Variants in JCAD observed in about 807,000 individuals in gnomAD.
JCAD encodes junctional cadherin 5-associated protein.
A neutral mutation model predicts 98.0 loss-of-function variants in JCAD; 40 were observed. That is an observed-to-expected ratio of 0.41 (90% CI 0.32 to 0.53). JCAD has a LOEUF of 0.53. Among genes scored for constraint, JCAD ranks in the 20% least tolerant of loss-of-function variants. The probability of loss-of-function intolerance (pLI) is 0.31; values close to 1 mark genes in which losing one functional copy is unlikely to be tolerated. For synonymous variants in JCAD, 691 were observed against 682.3 expected (o/e 1.01, Z -0.20); for missense variants, 1,705 against 1,738.1 (o/e 0.98, Z 0.34).
At chr10:30,068,523 G>A (rs1194841510) in intron 2 of JCAD, among the ~76,000 whole-genome samples, 2 of 151,900 alleles carry the variant, frequency 1.3e-5, no homozygotes, top group Non-Finnish European at 2.9e-5. Context: ...GCATTTATCA[G>A]GGCATATCTT....
At chr10:30,057,061 G>A (rs550291938) in intron 1 of JCAD, among the ~76,000 whole-genome samples, 3 of 152,178 alleles carry the variant, frequency 2.0e-5, no homozygotes, top group Non-Finnish European at 4.4e-5. Context: ...GCAGTAATGG[G>A]TTCAGCAATA....
chr10:30,021,071 C>T (rs1353280787), intron 3 of JCAD, among the ~76,000 whole-genome samples: 7 of 152,218 alleles, frequency 4.6e-5, no homozygotes, highest in Non-Finnish European at 1.0e-4. Flanking sequence ...CAGCTCACAC[C>T]TTTTTAGTGG....
intron 3 of JCAD, among the ~76,000 whole-genome samples, chr10:30,023,134 T>A (rs1213378441): frequency 6.6e-6 from 1 of 151,994 alleles, no homozygotes; most frequent in East Asian, 1.9e-4. Context: ...GGCTCCCGGG[T>A]TTAAGCAATT....
At chr10:30,090,398 C>T (rs759933745) in intron 1 of JCAD, among the ~76,000 whole-genome samples, 1 of 152,100 alleles carries the variant, frequency 6.6e-6, no homozygotes, top group African/African-American at 2.4e-5. Context: ...AAAAATTAGC[C>T]AGGCGTGGTG....
intron 1 of JCAD, among the ~76,000 whole-genome samples, chr10:30,107,725 T>G (rs548922564): frequency 8.5e-5 from 13 of 152,250 alleles, no homozygotes; most frequent in African/African-American, 3.1e-4. Flanking sequence ...TCTCTTGGGG[T>G]CTGGATTGGG....
chr10:30,065,501 C>T (rs12247292), intron 2 of JCAD, among the ~76,000 whole-genome samples: 4,891 of 151,910 alleles, frequency 0.032, 249 homozygotes, highest in African/African-American at 0.11. Context: ...CAGACTATAT[C>T]GCATAATTTT....
chr10:30,089,320 G>C (rs1197713914), intron 1 of JCAD, among the ~76,000 whole-genome samples: 1 of 152,174 alleles, frequency 6.6e-6, no homozygotes, highest in African/African-American at 2.4e-5. Context: ...TGGTGTCAGC[G>C]AATGGCTACT....
chr10:30,084,535 A>T (rs1340213780), intron 1 of JCAD, among the ~76,000 whole-genome samples: 1 of 152,182 alleles, frequency 6.6e-6, no homozygotes, highest in Non-Finnish European at 1.5e-5. Context: ...GAACAAAAAG[A>T]CTGACCTTGT....
chr10:30,057,065 A>G (rs1446108029), intron 1 of JCAD, among the ~76,000 whole-genome samples: 1 of 152,254 alleles, frequency 6.6e-6, no homozygotes, highest in Admixed American at 6.5e-5. Context: ...TAATGGGTTC[A>G]GCAATAGGCC....
intron 1 of JCAD, among the ~76,000 whole-genome samples, chr10:30,114,991 T>C (rs1276733429): frequency 2.0e-5 from 3 of 152,310 alleles, no homozygotes; most frequent in African/African-American, 7.2e-5. Flanking sequence ...GATGCTAAGA[T>C]AGTGCTGGGA....
chr10:30,046,848 C>T (rs1047239641), intron 2 of JCAD, among the ~76,000 whole-genome samples: 1 of 152,080 alleles, frequency 6.6e-6, no homozygotes, highest in African/African-American at 2.4e-5. Context: ...TCCCAGTGCT[C>T]TGGGAGGCTG....
At chr10:30,084,523 T>C (rs868589461) in intron 1 of JCAD, among the ~76,000 whole-genome samples, 16 of 152,278 alleles carry the variant, frequency 1.1e-4, no homozygotes, top group South Asian at 2.1e-4. Flanking sequence ...AAGGACTCAA[T>C]AGAACAAAAA....
rs11268260 is a variant in JCAD at position 30,092,098 on chromosome 10, T to TTAAATATATATATATATATATA, written n.129-22278_129-22277insTATATATATATATATATATTTA. 2.4e-3 allele frequency among the ~76,000 whole-genome samples: 105 copies of TTAAATATATATATATATATATA among 44,508 alleles called. 6 individuals are homozygous for TTAAATATATATATATATATATA. The highest frequency in any genetic ancestry group is 5.4e-3 in the East Asian group (7 of 1,306). 29.2% of individuals were successfully genotyped at this position (44,508 alleles called of 152,430 possible). ...ATATATATATATATATAAAGTTACT[T>TTAAATATATATATATATATATA]TATATATATATATATATATATATAT... is the stretch of plus-strand genomic sequence containing the variant. On this transcript the variant is annotated intron_variant and non_coding_transcript_variant, in intron 1 of 2. Coordinates refer to the JCAD transcript ENST00000465712.
intron 3 of JCAD, among the ~76,000 whole-genome samples, chr10:30,025,323 G>C (rs1028669199): frequency 6.6e-6 from 1 of 151,788 alleles, no homozygotes; most frequent in Non-Finnish European, 1.5e-5. Flanking sequence ...TTCAAGACCA[G>C]CTTGGCCAAT....
chr10:30,059,644 C>G (rs1589700008), upstream of JCAD: 1 of 152,536 alleles, frequency 6.6e-6, no homozygotes, highest in East Asian at 1.9e-4. This position sits in a 1 kb window ranked among gnomAD's most constrained non-coding sequence, Gnocchi z 5.0. Context: ...CCGCCCGGGG[C>G]TGCCTCCTCT....
chr10:30,064,041 G>A (rs1260003031), upstream of JCAD, among the ~76,000 whole-genome samples: 17 of 152,064 alleles, frequency 1.1e-4, no homozygotes, highest in Admixed American at 1.1e-3. Context: ...TCCTGACCTT[G>A]CGATCTGCCT....
intron 3 of JCAD, among the ~76,000 whole-genome samples, chr10:30,018,618 C>G (rs921190387): frequency 6.6e-6 from 1 of 152,120 alleles, no homozygotes; most frequent in Non-Finnish European, 1.5e-5. Flanking sequence ...AAACGGGACA[C>G]CATACAAAAG....
intron 3 of JCAD, among the ~76,000 whole-genome samples, chr10:30,024,629 T>C (rs892598366): frequency 6.6e-6 from 1 of 151,688 alleles, no homozygotes; most frequent in Non-Finnish European, 1.5e-5. Context: ...GAAGCAACAC[T>C]GGCTAACACC....
At chr10:30,046,711 G>A (rs572639401) in intron 2 of JCAD, among the ~76,000 whole-genome samples, 1 of 152,348 alleles carries the variant, frequency 6.6e-6, no homozygotes, top group East Asian at 1.9e-4. Flanking sequence ...GACAGAATGT[G>A]TTTACTCACT....
Sources: allele counts gnomAD v4.1 joint callset (sites outside exome capture counted in the v4.1 genomes callset), GRCh38; gene constraint gnomAD v4.1.1; non-coding constraint Gnocchi (gnomAD v3.1); transcripts MANE v1.5; gene names NCBI Gene and HGNC (gene_info 2026-07-23, HGNC 2026-07-21).